The following SAXO1 variants were observed in gnomAD, a reference collection of about 807,000 sequenced individuals.
The protein encoded by SAXO1 is 4930500O09Rik.
In SAXO1, 21 loss-of-function variants were observed where a neutral mutation model predicts 17.5. That is an observed-to-expected ratio of 1.20 (90% CI 0.85 to 1.72). The LOEUF (loss-of-function observed/expected upper bound fraction) is 1.72. Among genes scored for constraint, SAXO1 ranks in the 40% most tolerant of loss-of-function variants. The pLI is 0.00. For synonymous variants in SAXO1, 274 were observed against 216.5 expected (o/e 1.27, Z -2.33); for missense variants, 843 against 596.0 (o/e 1.41, Z -4.32).
At chr9:18,942,561 A>T (rs1831615857) in intron 2 of SAXO1, among the ~76,000 whole-genome samples, 1 of 152,236 alleles carries the variant, frequency 6.6e-6, no homozygotes, top group African/African-American at 2.4e-5. Flanking sequence ...CCAGAAGAGG[A>T]AAACAGTGAA....
chr9:18,965,613 G>A (rs56928673), intron 1 of SAXO1, among the ~76,000 whole-genome samples: 27,469 of 150,986 alleles, frequency 0.18, 5,269 homozygotes, highest in African/African-American at 0.49. Flanking sequence ...ATCTTCCTCC[G>A]TCCCTTTATT....
chr9:19,044,953 C>A (rs562874727), intron 1 of SAXO1, among the ~76,000 whole-genome samples: 1 of 151,924 alleles, frequency 6.6e-6, no homozygotes, highest in Admixed American at 6.6e-5. Context: ...GTTCAAGAAT[C>A]GGTAGCATCA....
At chr9:18,998,838 T>C (rs1834123828) in intron 1 of SAXO1, among the ~76,000 whole-genome samples, 1 of 152,210 alleles carries the variant, frequency 6.6e-6, no homozygotes, top group African/African-American at 2.4e-5. Context: ...AACCTGCAAC[T>C]TCATATCCAG....
rs76685574 is a variant in SAXO1, at chr9:18,947,163, A to G, written c.218+3595T>C. ...TCACACTAATTCTCAGGCCCAGGCT[A>G]TGGAGGCTAAGTATATGCCCAGTGG... On this transcript the variant is annotated intron_variant, in intron 2 of 3. Coordinates refer to ENST00000380534, the MANE Select transcript of SAXO1 (RefSeq NM_153707.4). Among the ~76,000 whole-genome samples, 13 of 152,354 alleles carry G rather than the reference A, an allele frequency of 8.5e-5. No individual in the cohort carries two copies. The East Asian group carries it at 2.5e-3, about 29-fold the overall frequency.
At chr9:18,991,790 C>G (rs73433206) in intron 1 of SAXO1, among the ~76,000 whole-genome samples, 6,420 of 152,230 alleles carry the variant, frequency 0.042, 478 homozygotes, top group African/African-American at 0.15. Context: ...CTCCTACCCC[C>G]ACCTGCCAGT....
At chr9:18,937,832 T>C (rs1479983001) in intron 3 of SAXO1, among the ~76,000 whole-genome samples, 1 of 152,164 alleles carries the variant, frequency 6.6e-6, no homozygotes, top group African/African-American at 2.4e-5. Context: ...GAGAAATAAA[T>C]GTCTTATTTA....
intron 1 of SAXO1, among the ~76,000 whole-genome samples, chr9:18,956,939 G>A (rs1832282311): frequency 6.6e-6 from 1 of 152,196 alleles, no homozygotes; most frequent in Non-Finnish European, 1.5e-5. Context: ...CACATAACCA[G>A]AAGGTGACAA....
intron 1 of SAXO1, among the ~76,000 whole-genome samples, chr9:19,011,688 G>GA (rs1834735633): frequency 6.6e-6 from 1 of 152,058 alleles, no homozygotes; most frequent in African/African-American, 2.4e-5. Context: ...CAAACTGATG[G>GA]AAAAAATTAC....
rs12341343 is a variant in SAXO1 at position 18,930,779 on chromosome 9, G to A, written c.422-1724C>T. Among the ~76,000 whole-genome samples, 808 of 152,268 alleles carry A rather than the reference G, an allele frequency of 5.3e-3. 13 individuals are homozygous for A. Among genetic ancestry groups the A allele is most frequent in the African/African-American group, 0.018 (763 of 41,538 alleles). ...CTCCCAAAGTGCTGGGATCACAGGCGTGAGCCACCACGCCCGGCCTACTGC... is the reference window on the plus strand; with the variant it reads ...CTCCCAAAGTGCTGGGATCACAGGCATGAGCCACCACGCCCGGCCTACTGC... On this transcript the variant is annotated intron_variant, in intron 3 of 3. Transcript: ENST00000380534.
At chr9:18,973,884 T>A (rs769343357) in intron 1 of SAXO1, among the ~76,000 whole-genome samples, 8 of 152,258 alleles carry the variant, frequency 5.3e-5, no homozygotes, top group South Asian at 4.1e-4. Flanking sequence ...TTCATCCATA[T>A]GACACTCTCA....
In SAXO1 at chr9:18,941,713, A is replaced by G; in HGVS notation, c.345T>C (p.Cys115=). The G allele has an allele frequency of 6.2e-7, 1 of 1,614,152 alleles. No individual in the cohort carries two copies. The highest frequency in any genetic ancestry group is 1.1e-5 in the South Asian group (1 of 91,082). ...YKKDYNPYPV[C]RVDPIKPRDS... Reference sequence around the variant, plus strand: ...CCCGAGGTTTGATGGGGTCCACTCGACAGACAGGGTAGGGATTGTAATCTT... The same window carrying G: ...CCCGAGGTTTGATGGGGTCCACTCGGCAGACAGGGTAGGGATTGTAATCTT... Residue 115 remains cysteine (C), a synonymous_variant, in exon 3 of 4, where the codon TGT becomes TGC. Transcript: ENST00000380534.
At chr9:19,000,393 A>G (rs1045915790) in intron 1 of SAXO1, among the ~76,000 whole-genome samples, 14 of 144,866 alleles carry the variant, frequency 9.7e-5, no homozygotes, top group African/African-American at 3.7e-4. Flanking sequence ...GGAAGTGAGG[A>G]GCGCCTCCAC....
At position 18,928,299 on chromosome 9, in the gene SAXO1, C is replaced by G. The variant is rs1830858843; in HGVS notation, c.1178G>C (p.Trp393Ser). 1.2e-6 allele frequency: 2 copies of G among 1,612,798 alleles called. No individual in the cohort carries two copies. The highest frequency in any genetic ancestry group is 2.2e-5 in the East Asian group (1 of 44,788). ...PINTKSCKPH[W>S]SGPRGNVPVE... ...AGGGACATTTCCTCGAGGGCCAGAC[C>G]AATGAGGCTTACAGCTTTTGGTATT... Residue 393 changes from tryptophan to serine, a missense_variant, in exon 4 of 4, where the codon TGG becomes TCG. Coordinates refer to ENST00000380534, the MANE Select transcript of SAXO1 (RefSeq NM_153707.4).
intron 1 of SAXO1, among the ~76,000 whole-genome samples, chr9:19,020,902 C>T (rs1445983210): frequency 6.6e-6 from 1 of 152,226 alleles, no homozygotes; most frequent in African/African-American, 2.4e-5. Context: ...TTCTGGCCTG[C>T]TTGTTCAATG....
At position 18,950,924 on chromosome 9, in the gene SAXO1, G is replaced by A. The variant is rs759828170; in HGVS notation, c.52C>T (p.Pro18Ser). 4.3e-6 allele frequency: 7 copies of A among 1,612,190 alleles called. No homozygotes were observed. Among genetic ancestry groups the A allele is most frequent in the Non-Finnish European group, 5.9e-6 (7 of 1,179,442 alleles). ...TCATAAATCTTGGTAGGGAGATGTG[G>A]ACAGTGATGCCGCCTATAAAAGACA... ...ELCSCGRHHC[P>S]HLPTKIYDKT... Residue 18 changes from proline to serine, a missense_variant, in exon 2 of 4, where the codon CCA becomes TCA. Transcript: ENST00000380534.
At chr9:18,937,778 C>A (rs1831363011) in intron 3 of SAXO1, among the ~76,000 whole-genome samples, 1 of 152,186 alleles carries the variant, frequency 6.6e-6, no homozygotes, top group Non-Finnish European at 1.5e-5. Flanking sequence ...GGACACCAAA[C>A]CTATCAGCGC....
chr9:18,946,193 T>C (rs1386277982), intron 2 of SAXO1, among the ~76,000 whole-genome samples: 1 of 147,362 alleles, frequency 6.8e-6, no homozygotes, highest in Non-Finnish European at 1.5e-5. Context: ...GGAGAATCGC[T>C]TGAACTCGGG....
At chr9:18,977,726 G>C (rs1833205656) in intron 1 of SAXO1, among the ~76,000 whole-genome samples, 1 of 152,126 alleles carries the variant, frequency 6.6e-6, no homozygotes, top group South Asian at 2.1e-4. Context: ...AGGCGTGGTG[G>C]CTCACGGCTG....
chr9:18,927,981 G>A lies in SAXO1; in HGVS notation c.*71C>T, dbSNP rs1830835261. The A allele has an allele frequency of 9.1e-6, 13 of 1,435,380 alleles. No individual in the cohort carries two copies. The highest frequency in any genetic ancestry group is 1.0e-5 in the Non-Finnish European group (11 of 1,081,350). 88.9% of individuals were successfully genotyped at this position (1,435,380 alleles called of 1,614,324 possible). On this transcript the variant is annotated 3_prime_UTR_variant, in exon 4 of 4. Coordinates refer to ENST00000380534, the MANE Select transcript of SAXO1 (RefSeq NM_153707.4). ...TTGTCATTTTAGGGAATTCTTTTTTGTCCAACAAATAATTCTCAGTTGTCT... is the reference window on the plus strand; with the variant it reads ...TTGTCATTTTAGGGAATTCTTTTTTATCCAACAAATAATTCTCAGTTGTCT...
Sources: gnomAD v4.1 joint callset for allele counts (sites outside exome capture counted in the v4.1 genomes callset) on GRCh38, gnomAD v4.1.1 for gene constraint, MANE v1.5 for transcripts, NCBI Gene and HGNC (gene_info 2026-07-23, HGNC 2026-07-21) for gene names.